The following PLBD1 variants were observed in gnomAD, a reference collection of about 807,000 sequenced individuals.
PLBD1 encodes the protein phospholipase B domain containing 1, also known as lysosomal leucine aminopeptidase.
A neutral mutation model predicts 63.0 loss-of-function variants in PLBD1; 60 were observed. That is an observed-to-expected ratio of 0.95 (90% confidence interval 0.77 to 1.18). The LOEUF is 1.18. Ranked by LOEUF, PLBD1 falls within the 50% of genes most tolerant of loss-of-function variation. PLBD1 has a pLI of 0.00. For missense variants in PLBD1, 598 were observed against 677.9 expected, an observed-to-expected ratio of 0.88 and a Z score of 1.31; for synonymous variants, 262 against 248.0, an observed-to-expected ratio of 1.06 and a Z score of -0.53.
In PLBD1 at chr12:14,511,409, T is replaced by C. The variant is rs936653231; in HGVS notation, c.1046-9A>G. ...TTGATTGTTATAGGTGCCTGAAATA[T>C]CAGGAAACATGAAGACGGGGCATGG... On this transcript the variant is annotated splice_polypyrimidine_tract_variant and intron_variant, in intron 7 of 10. Coordinates refer to ENST00000240617, the MANE Select transcript of PLBD1 (RefSeq NM_024829.6). 18 of 1,613,034 alleles carry C rather than the reference T, an allele frequency of 1.1e-5. No homozygotes were observed. The highest frequency in any genetic ancestry group is 1.4e-5 in the Non-Finnish European group (17 of 1,179,496).
chr12:14,524,914 A>G (rs1396184808), intron 6 of PLBD1, among the ~76,000 whole-genome samples: 1 of 152,196 alleles, frequency 6.6e-6, no homozygotes, highest in Non-Finnish European at 1.5e-5. Context: ...GAAATGAAAA[A>G]CTCACTGTAT....
chr12:14,559,205 T>C (rs1010857983), intron 1 of PLBD1, among the ~76,000 whole-genome samples: 1 of 152,256 alleles, frequency 6.6e-6, no homozygotes, highest in Non-Finnish European at 1.5e-5. Context: ...CCTAGTTTTA[T>C]ACAAGCTCTG....
In PLBD1 at chr12:14,512,439, C is replaced by T. The variant is rs551290097; in HGVS notation, c.845-728G>A. ...CTGGGATTACAGGTGTGGGCCACCA[C>T]ACCCGGCTAAGTCTACATAATTTTT... is the stretch of plus-strand genomic sequence containing the variant. On this transcript the variant is annotated intron_variant, in intron 6 of 10. Transcript: ENST00000240617. Among the ~76,000 whole-genome samples the T allele has an allele frequency of 9.6e-4, 146 of 152,246 alleles. 1 individual carries two copies. Among genetic ancestry groups the T allele is most frequent in the African/African-American group, 3.1e-3 (130 of 41,546 alleles).
At position 14,567,813 on chromosome 12, in the gene PLBD1, C is replaced by G; in HGVS notation, c.-117G>C. The G allele has an allele frequency of 1.5e-6, 2 of 1,294,862 alleles. No homozygotes were observed. The highest frequency in any genetic ancestry group is 2.0e-6 in the Non-Finnish European group (2 of 1,009,722). 80.2% of individuals were successfully genotyped at this position (1,294,862 alleles called of 1,614,324 possible). ...GGGGCGCCGCCTCTCCGAGGTGGGGCGTCCTCAACTTTCCTCTTTCTTGAG... is the reference window on the plus strand; with the variant it reads ...GGGGCGCCGCCTCTCCGAGGTGGGGGGTCCTCAACTTTCCTCTTTCTTGAG... On this transcript the variant is annotated 5_prime_UTR_variant, in exon 1 of 11. Coordinates refer to ENST00000240617, the MANE Select transcript of PLBD1 (RefSeq NM_024829.6).
chr12:14,534,191 C>T (rs1945490653), intron 6 of PLBD1, among the ~76,000 whole-genome samples: 2 of 152,090 alleles, frequency 1.3e-5, no homozygotes, highest in South Asian at 2.1e-4. Flanking sequence ...CAAAATACTC[C>T]GACAAAGGTA....
intron 4 of PLBD1, among the ~76,000 whole-genome samples, chr12:14,540,029 TATATATATATATATATATATATATAC>T (rs1565577566): frequency 2.4e-5 from 1 of 41,740 alleles, no homozygotes; most frequent in African/African-American, 6.3e-5. Flanking sequence ...TATATATATA[TATATATATATATATATATATATATAC>T]ACACACACAC....
intron 6 of PLBD1, among the ~76,000 whole-genome samples, chr12:14,523,582 T>TAC (rs1361330309): frequency 3.3e-5 from 5 of 152,124 alleles, no homozygotes; most frequent in African/African-American, 9.7e-5. Context: ...CAAAATATAC[T>TAC]ACAAAGTTAT....
At position 14,535,796 on chromosome 12, in the gene PLBD1, G is replaced by A; in HGVS notation, c.707C>T (p.Pro236Leu). ...GHCSALIKVLPGFENILFAHS... is the reference protein window; with the variant it reads ...GHCSALIKVLLGFENILFAHS... Reference sequence around the variant, plus strand: ...AGCAAAAAGGATGTTCTCAAATCCAGGAAGAACCTACAGCCAGAATCATAG... The same window carrying A: ...AGCAAAAAGGATGTTCTCAAATCCAAGAAGAACCTACAGCCAGAATCATAG... Residue 236 changes from proline to leucine, a missense_variant, in exon 6 of 11, where the codon CCT (proline) becomes CTT (leucine). By Grantham distance (98) the Pro-to-Leu change is moderately conservative. Transcript: ENST00000240617. The A allele has an allele frequency of 6.2e-7, 1 of 1,613,500 alleles. No homozygotes were observed. The highest frequency in any genetic ancestry group is 1.1e-5 in the South Asian group (1 of 90,880).
In PLBD1 at chr12:14,524,354, TA is replaced by T. The variant is rs568239834; in HGVS notation, c.844+11304del. Among the ~76,000 whole-genome samples, 98 of 152,326 alleles carry T rather than the reference TA, an allele frequency of 6.4e-4. 1 individual carries two copies. The highest frequency in any genetic ancestry group is 2.3e-3 in the African/African-American group (96 of 41,580). On this transcript the variant is annotated intron_variant, in intron 6 of 10. Transcript: ENST00000240617. ...TAAATGTTTGAAGTGATGAATATTC[TA>T]AATACCATGATTTGTTCACTACACA...
At chr12:14,549,763 G>A (rs1205943015) in intron 2 of PLBD1, among the ~76,000 whole-genome samples, 1 of 152,080 alleles carries the variant, frequency 6.6e-6, no homozygotes, top group East Asian at 1.9e-4. Flanking sequence ...CCGCCTCCTG[G>A]TTGGAGTGAT....
intron 6 of PLBD1, chr12:14,532,945 G>C (rs1945477732): frequency 6.6e-6 from 1 of 152,172 alleles, no homozygotes; most frequent in Admixed American, 6.5e-5. Context: ...CAGACCTAAG[G>C]GTGGTACTGA....
chr12:14,558,054 A>G (rs1281886423), intron 1 of PLBD1, among the ~76,000 whole-genome samples: 2 of 151,132 alleles, frequency 1.3e-5, no homozygotes, highest in Admixed American at 1.3e-4. Context: ...GTAGCCAAAA[A>G]AAAAAAAAAA....
chr12:14,525,975 A>G (rs1274173994), intron 6 of PLBD1, among the ~76,000 whole-genome samples: 1 of 140,290 alleles, frequency 7.1e-6, no homozygotes, highest in Non-Finnish European at 1.5e-5. Flanking sequence ...CAACAATTTT[A>G]AAAATGCAAA....
rs370249232 is a variant in PLBD1, at chr12:14,511,432, T to C, written c.1046-32A>G. 1.5e-5 allele frequency: 24 copies of C among 1,613,186 alleles called. No homozygotes were observed. In the African/African-American group the frequency reaches 2.1e-4, roughly 14 times the overall value. ...TATCAGGAAACATGAAGACGGGGCA[T>C]GGGTATGACTTTACTGGTTAACAAG... On this transcript the variant is annotated intron_variant, in intron 7 of 10. Coordinates refer to ENST00000240617, the MANE Select transcript of PLBD1 (RefSeq NM_024829.6).
intron 1 of PLBD1, among the ~76,000 whole-genome samples, chr12:14,561,538 G>T (rs1304251171): frequency 2.0e-5 from 3 of 151,996 alleles, no homozygotes; most frequent in Non-Finnish European, 4.4e-5. Flanking sequence ...TATGGATTAC[G>T]TGGCCACCTG....
chr12:14,507,458 G>C (rs192746385), intron 8 of PLBD1, among the ~76,000 whole-genome samples: 5 of 152,176 alleles, frequency 3.3e-5, no homozygotes, highest in African/African-American at 1.2e-4. Context: ...GGTCTGGGGA[G>C]CTCATCTAAG....
intron 5 of PLBD1, 85 bp downstream of exon 5, chr12:14,536,485 G>A (rs1452873200): frequency 1.4e-6 from 2 of 1,428,412 alleles, no homozygotes; most frequent in East Asian, 2.3e-5. Context: ...ATAGCCAGGG[G>A]TGATGAGATG....
At chr12:14,557,506 T>C (rs1433678100) in intron 1 of PLBD1, among the ~76,000 whole-genome samples, 1 of 152,140 alleles carries the variant, frequency 6.6e-6, no homozygotes, top group African/African-American at 2.4e-5. Flanking sequence ...TAATGTGCTT[T>C]GCAGGAACAT....
intron 2 of PLBD1, among the ~76,000 whole-genome samples, chr12:14,543,335 A>G (rs571399750): frequency 6.6e-6 from 1 of 152,314 alleles, no homozygotes; most frequent in African/African-American, 2.4e-5. Context: ...AGCATATTTT[A>G]GCAAATTTTA....
Sources: allele counts gnomAD v4.1 joint callset (sites outside exome capture counted in the v4.1 genomes callset), GRCh38; gene constraint gnomAD v4.1.1; transcripts MANE v1.5; gene names NCBI Gene and HGNC (gene_info 2026-07-23, HGNC 2026-07-21).